Variants in SAFB2 observed in about 807,000 individuals in gnomAD.
SAFB2 encodes scaffold attachment factor B2.
A neutral mutation model predicts 100.6 loss-of-function variants in SAFB2; 32 were observed. That is an observed-to-expected ratio of 0.32 (90% CI 0.24 to 0.43). The LOEUF is 0.43. Among genes scored for constraint, SAFB2 ranks in the 20% least tolerant of loss-of-function variants. The pLI, the probability that SAFB2 is intolerant of heterozygous loss-of-function variation, is 1.00. For synonymous variants in SAFB2, 500 were observed against 439.4 expected (o/e 1.14, Z -1.72); for missense variants, 1,185 against 1,163.4 (o/e 1.02, Z -0.27).
chr19:5,598,876 C>G lies in SAFB2; in HGVS notation c.1699G>C (p.Gly567Arg), dbSNP rs1263867824. ...RSRVTKSGSR[G>R]MERTVVMDKS... ...TCCATCACGACCGTCCGCTCCATTC[C>G]TCTGCTTCCTTCAGGAAAAAACACA... Residue 567 changes from glycine (G) to arginine (R), a missense_variant, in exon 13 of 21, where the codon GGA (glycine) becomes CGA (arginine). Coordinates refer to ENST00000252542, the MANE Select transcript of SAFB2 (RefSeq NM_014649.3). 1.2e-6 allele frequency: 2 copies of G among 1,613,996 alleles called. No homozygotes were observed. The highest frequency in any genetic ancestry group is 1.7e-6 in the Non-Finnish European group (2 of 1,180,050).
chr19:5,596,390 G>C lies in SAFB2; in HGVS notation c.1783-893C>G, dbSNP rs565563087. On this transcript the variant is annotated intron_variant, in intron 13 of 20. Coordinates refer to ENST00000252542, the MANE Select transcript of SAFB2 (RefSeq NM_014649.3). ...TTTTTTGGGTTTGAGACCCAGTCTT[G>C]TTCTGTTGTCCAGCCTGGAGTACAG... Among the ~76,000 whole-genome samples the C allele has an allele frequency of 1.4e-4, 22 of 152,286 alleles. No individual in the cohort carries two copies. The East Asian group carries it at 3.1e-3, about 21-fold the overall frequency.
chr19:5,593,861 C>CGTCCTGCCCACGCTCTGG, intron 15 of SAFB2, 30 bp downstream of exon 15: 1 of 1,433,212 alleles, frequency 7.0e-7, no homozygotes. Flanking sequence ...CGCTGGTCTC[C>CGTCCTGCCCACGCTCTGG]GTCCTGCCCA....
At position 5,587,541 on chromosome 19, in the gene SAFB2, T is replaced by G; in HGVS notation, c.2706-142A>C. 3 of 1,466,406 alleles carry G rather than the reference T, an allele frequency of 2.0e-6. No individual in the cohort carries two copies. Among genetic ancestry groups the G allele is most frequent in the Non-Finnish European group, 2.7e-6 (3 of 1,103,138 alleles). The allele number at this position is 1,466,406 out of a possible 1,614,324, so 90.8% of individuals were successfully genotyped here. On this transcript the variant is annotated intron_variant, in intron 20 of 20. Transcript: ENST00000252542. This position sits in a 1 kb window ranked among gnomAD's most constrained non-coding sequence, Gnocchi z 4.9. ...GAAAAATCATCATCGCACATTGTAT[T>G]CCAGGTAACTCAAGAGCGTTATTTG...
At chr19:5,609,945 C>T in intron 9 of SAFB2, 50 bp downstream of exon 9, 1 of 1,523,726 alleles carries the variant, frequency 6.6e-7, no homozygotes, top group Non-Finnish European at 9.0e-7. Context: ...GCAGAGCTTC[C>T]TTTTTAACTC....
chr19:5,619,844 G>A (rs1431797458), intron 2 of SAFB2, among the ~76,000 whole-genome samples: 2 of 136,160 alleles, frequency 1.5e-5, no homozygotes, highest in Non-Finnish European at 3.1e-5. Context: ...AAACTCCATC[G>A]CAAAAAAAAA....
rs2052265265 is a variant in SAFB2, at chr19:5,587,064, T to C, written c.*179A>G. Reference sequence around the variant, plus strand: ...GTTAACAGAAACCTTGATTTAAAAATGGCAGAACAAGAACACATTTATTTA... The same window carrying C: ...GTTAACAGAAACCTTGATTTAAAAACGGCAGAACAAGAACACATTTATTTA... On this transcript the variant is annotated 3_prime_UTR_variant, in exon 21 of 21. Transcript: ENST00000252542. The surrounding 1 kb of genome is among the most constrained non-coding windows in gnomAD (Gnocchi z 4.9). The C allele has an allele frequency of 1.1e-5, 9 of 799,580 alleles. No individual in the cohort carries two copies. The highest frequency in any genetic ancestry group is 4.2e-5 in the South Asian group (2 of 48,140). 49.5% of individuals were successfully genotyped at this position (799,580 alleles called of 1,614,324 possible).
chr19:5,617,617 G>C (rs1007088832), intron 2 of SAFB2, among the ~76,000 whole-genome samples: 5 of 152,126 alleles, frequency 3.3e-5, no homozygotes, highest in African/African-American at 1.2e-4. Context: ...GGAATGGCTG[G>C]CAATGTCTGG....
chr19:5,600,281 C>G (rs770494553), intron 11 of SAFB2, 21 bp from the exon 12 acceptor site: 2 of 1,609,460 alleles, frequency 1.2e-6, no homozygotes, highest in African/African-American at 1.3e-5. Flanking sequence ...ACATGGTTAT[C>G]AAATTTGAGT....
At chr19:5,591,917 G>C (rs1444506047) in intron 16 of SAFB2, 124 bp from the exon 17 acceptor site, 2 of 868,136 alleles carry the variant, frequency 2.3e-6, no homozygotes, top group Middle Eastern at 2.2e-4. Context: ...AACTGGCCTG[G>C]GAAAAAAGGA....
chr19:5,592,799 G>A lies in SAFB2; in HGVS notation c.2296C>T (p.His766Tyr). 6.2e-7 allele frequency: 1 copy of A among 1,614,210 alleles called. No individual in the cohort carries two copies. Among genetic ancestry groups the A allele is most frequent in the Non-Finnish European group, 8.5e-7 (1 of 1,180,042 alleles). Residue 766 changes from histidine (H) to tyrosine (Y), a missense_variant, in exon 16 of 21, where the codon CAC (histidine) becomes TAC (tyrosine). Coordinates refer to ENST00000252542, the MANE Select transcript of SAFB2 (RefSeq NM_014649.3). The stretch of plus-strand genomic sequence containing the variant: ...CCCCGGTCTCGATGATCGAAGTCGT[G>A]AAAGCGGTGGTCTGGCCGGGGAAAG... Reference protein sequence around the residue: ...ADFPRPDHRFHDFDHRDRGQY... With the variant: ...ADFPRPDHRFYDFDHRDRGQY...
chr19:5,609,523 C>T (rs1012924235), intron 9 of SAFB2, among the ~76,000 whole-genome samples: 2 of 151,768 alleles, frequency 1.3e-5, no homozygotes, highest in Admixed American at 1.3e-4. Context: ...AGGCTGGTCT[C>T]CAACTCCTGA....
chr19:5,598,811 T>C lies in SAFB2; in HGVS notation c.1764A>G (p.Thr588=). Residue 588 remains threonine, a synonymous_variant, in exon 13 of 21, where the codon ACA becomes ACG. Coordinates refer to ENST00000252542, the MANE Select transcript of SAFB2 (RefSeq NM_014649.3). ...TACTCACTCTCTCTTTGGACCTGCTTGTGGTTTTCACGCTAATGACGGGCT... is the reference window on the plus strand; with the variant it reads ...TACTCACTCTCTCTTTGGACCTGCTCGTGGTTTTCACGCTAATGACGGGCT... The part of the protein sequence containing the change: ...KGEPVISVKT[T]SRSKERSSKS... 1 of 1,614,202 alleles carries C rather than the reference T, an allele frequency of 6.2e-7. No individual in the cohort carries two copies. The highest frequency in any genetic ancestry group is 8.5e-7 in the Non-Finnish European group (1 of 1,180,032).
chr19:5,588,933 G>A (rs1461552292), intron 18 of SAFB2: 1 of 152,264 alleles, frequency 6.6e-6, no homozygotes, highest in Non-Finnish European at 1.5e-5. Context: ...TCCGAGTCCA[G>A]TGTCCTGAGT....
chr19:5,595,490 T>C lies in SAFB2; in HGVS notation c.1790A>G (p.Lys597Arg), dbSNP rs770601436. The change falls in exon 14 of 21, where the codon AAG (lysine) becomes AGG (arginine). Residue 597 changes from lysine to arginine, a missense_variant. Lys to Arg is a conservative substitution (Grantham distance 26). Coordinates refer to ENST00000252542, the MANE Select transcript of SAFB2 (RefSeq NM_014649.3). ...TTSRSKERSS[K>R]SQDRKSESKE... The stretch of plus-strand genomic sequence containing the variant: ...GCTTTCTGACTTGCGATCCTGACTC[T>C]TGGAGCTCTGTTTACCAAAACTGGT... 1 of 1,613,508 alleles carries C rather than the reference T, an allele frequency of 6.2e-7. No individual in the cohort carries two copies. The highest frequency in any genetic ancestry group is 8.5e-7 in the Non-Finnish European group (1 of 1,179,992).
intron 11 of SAFB2, among the ~76,000 whole-genome samples, chr19:5,601,238 A>G (rs1285759013): frequency 6.6e-6 from 1 of 152,156 alleles, no homozygotes; most frequent in Non-Finnish European, 1.5e-5. Flanking sequence ...ATTGTAAATC[A>G]TCTCATCTCC....
Position 5,604,631 on chromosome 19 carries a change from T to C in SAFB2, c.1511A>G (p.Lys504Arg). The stretch of plus-strand genomic sequence containing the variant: ...ATGATGTCTGTCGACACTCGATAAT[T>C]TTTCCTTCTTCACTTCGCACTCTTT... ...DRKECEVKKEKLSSVDRHHSV... is the reference protein window; with the variant it reads ...DRKECEVKKERLSSVDRHHSV... Residue 504 changes from lysine to arginine, a missense_variant, in exon 11 of 21, where the codon AAA (lysine) becomes AGA (arginine). Physicochemically the swap from Lys to Arg is conservative, Grantham distance 26. Transcript: ENST00000252542. The C allele has an allele frequency of 6.2e-7, 1 of 1,614,192 alleles. No homozygotes were observed.
At chr19:5,615,411 T>C (rs1882695344) in intron 4 of SAFB2, among the ~76,000 whole-genome samples, 1 of 150,210 alleles carries the variant, frequency 6.7e-6, no homozygotes, top group Non-Finnish European at 1.5e-5. Flanking sequence ...ATGATGAGAT[T>C]AGAAACCATT....
At chr19:5,612,326 T>C (rs2052925988) in intron 6 of SAFB2, 3 of 601,444 alleles carry the variant, frequency 5.0e-6, no homozygotes, top group Non-Finnish European at 5.9e-6. Context: ...CACTACTACA[T>C]TGCACCAAAT....
chr19:5,588,089 C>T (rs1406798737), intron 18 of SAFB2, 109 bp from the exon 19 acceptor site: 10 of 916,348 alleles, frequency 1.1e-5, no homozygotes, highest in Middle Eastern at 3.1e-4. Context: ...TGCCACACAA[C>T]AAGGGCTGCA....
Sources: gnomAD v4.1 joint callset for allele counts (sites outside exome capture counted in the v4.1 genomes callset) on GRCh38, gnomAD v4.1.1 for gene constraint, Gnocchi (gnomAD v3.1) non-coding constraint, MANE v1.5 for transcripts, NCBI Gene and HGNC (gene_info 2026-07-23, HGNC 2026-07-21) for gene names.